MARCO: variants seen among roughly 807,000 people sequenced by gnomAD.
MARCO encodes the protein macrophage receptor MARCO.
Under a neutral mutation model 70.0 loss-of-function variants are expected in MARCO, and 72 were observed. The ratio of observed to expected loss-of-function variants is 1.03; its 90% CI spans 0.85 to 1.25. The LOEUF (loss-of-function observed/expected upper bound fraction) is 1.25. MARCO is among the 50% of genes most tolerant of loss of function. The pLI is 0.00. For synonymous variants in MARCO, 273 were observed against 243.1 expected, an observed-to-expected ratio of 1.12 and a Z score of -1.14; for missense variants, 696 against 659.3, an observed-to-expected ratio of 1.06 and a Z score of -0.61.
rs552100907 is a variant in MARCO at position 118,974,671 on chromosome 2, G to A, written c.613+106G>A. On this transcript the variant is annotated intron_variant, in intron 6 of 16. Transcript: ENST00000327097. The stretch of plus-strand genomic sequence containing the variant: ...CCTCCAGAGTCTGGACCTCTGAGGG[G>A]TCTGTAGGTGAACGGAGGCCTGGTG... 2,406 of 1,084,550 alleles carry A rather than the reference G, an allele frequency of 2.2e-3. 6 individuals are homozygous for A. Among genetic ancestry groups the A allele is most frequent in the Non-Finnish European group, 3.0e-3 (2,218 of 750,468 alleles). 67.2% of individuals were successfully genotyped at this position (1,084,550 alleles called of 1,614,324 possible). A position where few individuals can be genotyped will look rare whatever the true frequency, so the allele number is the denominator to read the frequency against.
chr2:118,989,882 A>G (rs1680588422), intron 12 of MARCO, among the ~76,000 whole-genome samples: 1 of 152,260 alleles, frequency 6.6e-6, no homozygotes, highest in Non-Finnish European at 1.5e-5. Context: ...TCAAGAGGAC[A>G]TGATCTTGCT....
intron 4 of MARCO, among the ~76,000 whole-genome samples, chr2:118,973,341 T>G (rs904777167): frequency 6.6e-6 from 1 of 152,084 alleles, no homozygotes; most frequent in Non-Finnish European, 1.5e-5. Flanking sequence ...TCTCCAACTC[T>G]CACTCTCCAT....
chr2:118,981,420 G>C lies in MARCO; in HGVS notation c.778G>C (p.Asp260His). The C allele has an allele frequency of 1.2e-5, 20 of 1,600,854 alleles. No individual in the cohort carries two copies. Among genetic ancestry groups the C allele is most frequent in the Non-Finnish European group, 1.7e-5 (20 of 1,176,952 alleles). The change falls in exon 9 of 17, where the codon GAC (aspartate) becomes CAC (histidine). Residue 260 changes from aspartate to histidine, a missense_variant. By Grantham distance (81) the Asp-to-His change is moderately conservative (BLOSUM62 -1). Around this residue, in one of 3 missense-constraint regions of MARCO, gnomAD observed 605 missense variants for 537.6 expected, o/e 1.13. Coordinates refer to ENST00000327097, the MANE Select transcript of MARCO (RefSeq NM_006770.4). ...TTTTGGTTTTTCAGGAAGCAAAGGG[G>C]ACAGGGGCATGAAAGGAGATGCAGG... is the stretch of plus-strand genomic sequence containing the variant. ...GDLGLPGSKG[D>H]RGMKGDAGVM...
chr2:118,994,617 C>A lies in MARCO; in HGVS notation c.*97C>A. On this transcript the variant is annotated 3_prime_UTR_variant, in exon 17 of 17. Coordinates refer to ENST00000327097, the MANE Select transcript of MARCO (RefSeq NM_006770.4). ...GAGGAGTTCCCTGGGGACAACTGAG[C>A]AGCCTCTGGAGAGGGGCCATTAATA... The A allele has an allele frequency of 7.8e-7, 1 of 1,285,562 alleles. No individual in the cohort carries two copies. Among genetic ancestry groups the A allele is most frequent in the Non-Finnish European group, 1.1e-6 (1 of 942,046 alleles). The allele number at this position is 1,285,562 out of a possible 1,614,324, so 79.6% of individuals were successfully genotyped here.
intron 1 of MARCO, among the ~76,000 whole-genome samples, chr2:118,951,551 T>A (rs868585534): frequency 2.0e-5 from 3 of 152,222 alleles, no homozygotes; most frequent in Non-Finnish European, 4.4e-5. Flanking sequence ...CTGCTACAGA[T>A]TGAATGCATT....
chr2:118,990,738 C>G lies in MARCO; in HGVS notation c.1108+105C>G, dbSNP rs1017994449. The G allele has an allele frequency of 2.6e-6, 3 of 1,143,838 alleles. No homozygotes were observed. In the Admixed American group the frequency reaches 5.6e-5, roughly 21 times the overall value. The allele number at this position is 1,143,838 out of a possible 1,614,324, so 70.9% of individuals were successfully genotyped here. On this transcript the variant is annotated intron_variant, in intron 13 of 16. Transcript: ENST00000327097. The stretch of plus-strand genomic sequence containing the variant: ...ATTGAATGCACAGCTGTGACCTTCT[C>G]CCAAAGTGGAGGTTAAGACTCCAGG...
chr2:118,942,515 C>T (rs954443092), intron 1 of MARCO, 118 bp downstream of exon 1: 14 of 769,658 alleles, frequency 1.8e-5, no homozygotes, highest in South Asian at 5.0e-5. Flanking sequence ...GCATTTTGCA[C>T]GTAATCATCA....
Position 118,977,523 on chromosome 2 carries a change from G to T in MARCO, c.658+8G>T, listed in dbSNP as rs1439519837. 1 of 1,613,584 alleles carries T rather than the reference G, an allele frequency of 6.2e-7. No homozygotes were observed. The highest frequency in any genetic ancestry group is 8.5e-7 in the Non-Finnish European group (1 of 1,179,624). On this transcript the variant is annotated splice_region_variant and intron_variant, in intron 7 of 16. Transcript: ENST00000327097. ...GGAAGCAAGGAGCCACTGGTAACTT[G>T]TACTTGCTCTGCTAGGGACAAATGA...
intron 12 of MARCO, 105 bp downstream of exon 12, chr2:118,982,515 C>A: frequency 8.9e-7 from 1 of 1,124,740 alleles, no homozygotes; most frequent in Non-Finnish European, 1.3e-6. Flanking sequence ...AGAGGGTCTT[C>A]TGTGCCTTGG....
intron 1 of MARCO, among the ~76,000 whole-genome samples, chr2:118,963,180 C>T (rs954257785): frequency 2.0e-5 from 3 of 151,380 alleles, no homozygotes; most frequent in Non-Finnish European, 3.0e-5. Context: ...GAGGAAAAAA[C>T]TTAGTGTGTT....
intron 1 of MARCO, among the ~76,000 whole-genome samples, chr2:118,954,659 G>A (rs1367154825): frequency 6.6e-6 from 1 of 152,152 alleles, no homozygotes; most frequent in Non-Finnish European, 1.5e-5. Flanking sequence ...CCCTCACAGA[G>A]TCCACTGCAC....
At chr2:118,954,239 G>A (rs1679784779) in intron 1 of MARCO, among the ~76,000 whole-genome samples, 1 of 152,182 alleles carries the variant, frequency 6.6e-6, no homozygotes, top group Non-Finnish European at 1.5e-5. Context: ...GGCACAGTGG[G>A]AGTAAGACTG....
At chr2:118,977,758 C>T (rs1019455219) in intron 7 of MARCO, 70 bp from the exon 8 acceptor site, 11 of 1,184,470 alleles carry the variant, frequency 9.3e-6, no homozygotes, top group Admixed American at 2.2e-5. Context: ...TGCTTCCTGC[C>T]CCTTTGCCTC....
chr2:118,942,274 G>T lies in MARCO; in HGVS notation c.-27G>T. On this transcript the variant is annotated 5_prime_UTR_variant, in exon 1 of 17. Coordinates refer to ENST00000327097, the MANE Select transcript of MARCO (RefSeq NM_006770.4). ...AGGGGAGCATTTCTGCTGGCTCCAG[G>T]ACTTTGGCCATCTATAAAGCTTGGC... is the stretch of plus-strand genomic sequence containing the variant. 2 of 1,508,162 alleles carry T rather than the reference G, an allele frequency of 1.3e-6. No individual in the cohort carries two copies. Among genetic ancestry groups the T allele is most frequent in the South Asian group, 1.1e-5 (1 of 88,756 alleles). 93.4% of individuals were successfully genotyped at this position (1,508,162 alleles called of 1,614,324 possible).
intron 1 of MARCO, among the ~76,000 whole-genome samples, chr2:118,945,531 G>T (rs1679580317): frequency 6.6e-6 from 1 of 151,316 alleles, no homozygotes; most frequent in African/African-American, 2.4e-5. Flanking sequence ...TCCTGACTCA[G>T]TCTCCCTAGT....
intron 8 of MARCO, among the ~76,000 whole-genome samples, chr2:118,979,051 C>T (rs1680340530): frequency 6.6e-6 from 1 of 152,120 alleles, no homozygotes; most frequent in African/African-American, 2.4e-5. Context: ...GGATGAATTA[C>T]TGCAGGAATA....
chr2:118,990,582 A>G lies in MARCO; in HGVS notation c.1064-7A>G. 8 of 764,188 alleles carry G rather than the reference A, an allele frequency of 1.0e-5. No individual in the cohort carries two copies. The highest frequency in any genetic ancestry group is 1.4e-5 in the South Asian group (1 of 71,838). 47.3% of individuals were successfully genotyped at this position (764,188 alleles called of 1,614,324 possible). A position where few individuals can be genotyped will look rare whatever the true frequency, so the allele number is the denominator to read the frequency against. The stretch of plus-strand genomic sequence containing the variant: ...CCTCCCCCCCCCCTTTTTTGTTTTG[A>G]TCTTAGGACTTCAAGGACAGCAAGG... On this transcript the variant is annotated splice_polypyrimidine_tract_variant and splice_region_variant and intron_variant, in intron 12 of 16. Transcript: ENST00000327097.
chr2:118,975,100 T>G (rs935063050), intron 6 of MARCO, among the ~76,000 whole-genome samples: 33 of 152,192 alleles, frequency 2.2e-4, no homozygotes, highest in African/African-American at 7.7e-4. Context: ...TAGTTTCCAT[T>G]TTTTTAGACT....
intron 1 of MARCO, among the ~76,000 whole-genome samples, chr2:118,958,115 A>C (rs56999439): frequency 0.042 from 6,296 of 151,602 alleles, 414 homozygotes; most frequent in African/African-American, 0.14. Flanking sequence ...CACTCTCACC[A>C]CTCCTCTTCA....
Sources: allele counts gnomAD v4.1 joint callset (sites outside exome capture counted in the v4.1 genomes callset), GRCh38; gene constraint gnomAD v4.1.1; regional missense constraint gnomAD v4.1.1; transcripts MANE v1.5; gene names NCBI Gene and HGNC (gene_info 2026-07-23, HGNC 2026-07-21).